GRID1: variants seen among roughly 807,000 people sequenced by gnomAD.
GRID1 encodes glutamate ionotropic receptor delta type subunit 1.
A neutral mutation model predicts 98.0 loss-of-function variants in GRID1; 28 were observed. That is an observed-to-expected ratio of 0.29 (90% CI 0.21 to 0.39). The LOEUF (loss-of-function observed/expected upper bound fraction) is 0.39. Ranked by LOEUF, GRID1 falls within the 10% of genes least tolerant of loss-of-function variation. The pLI, the probability that GRID1 is intolerant of heterozygous loss-of-function variation, is 1.00. For synonymous variants in GRID1, 553 were observed against 538.5 expected, an observed-to-expected ratio of 1.03 and a Z score of -0.37; for missense variants, 1,111 against 1,340.5, an observed-to-expected ratio of 0.83 and a Z score of 2.67.
rs544063158 is a variant in GRID1 at position 85,690,721 on chromosome 10, T to TG, written c.1997+32281_1997+32282insC. On this transcript the variant is annotated intron_variant, in intron 12 of 15. Coordinates refer to ENST00000327946, the MANE Select transcript of GRID1 (RefSeq NM_017551.3). ...CACAGATCTTCTTCCAAATAAATCA[T>TG]TTGTAAATGTTGGCACAGTTGCACA... 3.0e-4 allele frequency among the ~76,000 whole-genome samples: 46 copies of TG among 152,308 alleles called. 1 individual carries two copies. In the South Asian group the frequency reaches 9.3e-3, roughly 31 times the overall value.
chr10:86,141,399 T>C (rs1424700269), intron 3 of GRID1, among the ~76,000 whole-genome samples: 1 of 152,180 alleles, frequency 6.6e-6, no homozygotes, highest in Non-Finnish European at 1.5e-5. Flanking sequence ...TGTGCAGAGA[T>C]GGCTCAGGAG....
At chr10:85,844,673 C>T (rs1842990151) in intron 8 of GRID1, among the ~76,000 whole-genome samples, 1 of 151,804 alleles carries the variant, frequency 6.6e-6, no homozygotes, top group Non-Finnish European at 1.5e-5. Context: ...ATAAAATATT[C>T]TGAAAAGGAA....
rs7068143 is a variant in GRID1 at position 86,023,519 on chromosome 10, C to T, written c.727-107280G>A. On this transcript the variant is annotated intron_variant, in intron 4 of 15. Transcript: ENST00000327946. ...AACCTTCTCTCAGCAACCTGCTCCA[C>T]ACCCACTGCTTCTCCAGGTCCCTGT... Among the ~76,000 whole-genome samples the T allele has an allele frequency of 8.8e-3, 1,343 of 152,286 alleles. 25 individuals are homozygous for T. The highest frequency in any genetic ancestry group is 0.031 in the African/African-American group (1,273 of 41,548).
chr10:86,119,957 A>AT (rs996067642), intron 4 of GRID1, among the ~76,000 whole-genome samples: 31 of 149,828 alleles, frequency 2.1e-4, no homozygotes, highest in Non-Finnish European at 3.7e-4. Flanking sequence ...TGCCCGGCTA[A>AT]TTTTTTTTTT....
At chr10:86,229,019 G>C (rs1846404517) in intron 2 of GRID1, among the ~76,000 whole-genome samples, 1 of 152,164 alleles carries the variant, frequency 6.6e-6, no homozygotes, top group Non-Finnish European at 1.5e-5. Flanking sequence ...TCACAGTAGG[G>C]AGGGGCTGCC....
At chr10:86,310,564 G>A (rs193008491) in intron 2 of GRID1, among the ~76,000 whole-genome samples, 268 of 152,300 alleles carry the variant, frequency 1.8e-3, no homozygotes, top group African/African-American at 5.8e-3. Flanking sequence ...CCTTGCTGAG[G>A]AGCAGGTACC....
chr10:86,286,788 C>G (rs1847437925), intron 2 of GRID1, among the ~76,000 whole-genome samples: 2 of 152,232 alleles, frequency 1.3e-5, no homozygotes, highest in African/African-American at 4.8e-5. Flanking sequence ...GCTCTCCGCT[C>G]TGGGCGCCGG....
chr10:85,765,427 C>A (rs974516253), intron 8 of GRID1, among the ~76,000 whole-genome samples: 8 of 152,220 alleles, frequency 5.3e-5, no homozygotes, highest in Admixed American at 5.2e-4. Context: ...AAGTTGAGCA[C>A]CTCTAATCTG....
chr10:85,788,887 C>T (rs1842453642), intron 8 of GRID1, among the ~76,000 whole-genome samples: 1 of 152,172 alleles, frequency 6.6e-6, no homozygotes, highest in Admixed American at 6.5e-5. Context: ...TAAAACTAAG[C>T]TAGAGAACTC....
Position 85,602,167 on chromosome 10 carries a change from A to C in GRID1, c.*106T>G. ...AAGAAAAATGAAAGAGTCTCTGTGT[A>C]TGTGTGTGTGTGCGAGTGTGTGTGG... On this transcript the variant is annotated 3_prime_UTR_variant, in exon 16 of 16. Transcript: ENST00000327946. The C allele has an allele frequency of 1.6e-6, 1 of 625,402 alleles. No individual in the cohort carries two copies. Among genetic ancestry groups the C allele is most frequent in the Non-Finnish European group, 2.7e-6 (1 of 365,612 alleles). 38.7% of individuals were successfully genotyped at this position (625,402 alleles called of 1,614,324 possible).
At chr10:85,854,907 A>C (rs990319820) in intron 7 of GRID1, among the ~76,000 whole-genome samples, 1 of 152,176 alleles carries the variant, frequency 6.6e-6, no homozygotes, top group Non-Finnish European at 1.5e-5. Flanking sequence ...TAGCCATGAG[A>C]TTAAACATTG....
chr10:85,817,955 G>T (rs1211880516), intron 8 of GRID1, among the ~76,000 whole-genome samples: 2 of 152,196 alleles, frequency 1.3e-5, no homozygotes, highest in African/African-American at 4.8e-5. Flanking sequence ...GGCAGTGGGG[G>T]AAAGGGAGTT....
chr10:85,964,038 G>A lies in GRID1; in HGVS notation c.727-47799C>T, dbSNP rs540840310. Among the ~76,000 whole-genome samples the A allele has an allele frequency of 7.2e-5, 11 of 152,252 alleles. No homozygotes were observed. In the South Asian group the frequency reaches 2.3e-3, roughly 32 times the overall value. The stretch of plus-strand genomic sequence containing the variant: ...CATGAGCGAACTCCCATTCACAATT[G>A]CTACTAAGACAATAAAATACCTAGG... On this transcript the variant is annotated intron_variant, in intron 4 of 15. Transcript: ENST00000327946.
At chr10:86,263,838 C>G (rs140571391) in intron 2 of GRID1, among the ~76,000 whole-genome samples, 1 of 152,220 alleles carries the variant, frequency 6.6e-6, no homozygotes, top group Non-Finnish European at 1.5e-5. Flanking sequence ...GGTTTCCCCA[C>G]CTCAACCCAC....
rs548179024 is a variant in GRID1 at position 86,043,275 on chromosome 10, T to C, written c.726+95544A>G. On this transcript the variant is annotated intron_variant, in intron 4 of 15. Coordinates refer to ENST00000327946, the MANE Select transcript of GRID1 (RefSeq NM_017551.3). ...CCTCTCTACCAGCCCTTGTCCTCCA[T>C]CTTGCCAGACCCCTCAGAAGAAGGC... is the stretch of plus-strand genomic sequence containing the variant. Among the ~76,000 whole-genome samples the C allele has an allele frequency of 2.0e-5, 3 of 152,258 alleles. No individual in the cohort carries two copies. The East Asian group carries it at 5.8e-4, about 29-fold the overall frequency.
intron 2 of GRID1, among the ~76,000 whole-genome samples, chr10:86,263,971 A>T (rs1375300658): frequency 6.6e-6 from 1 of 152,162 alleles, no homozygotes; most frequent in Non-Finnish European, 1.5e-5. Flanking sequence ...AGGGGAAGGG[A>T]CTTGTCCAGG....
intron 2 of GRID1, among the ~76,000 whole-genome samples, chr10:86,240,500 G>A (rs1037864125): frequency 1.3e-5 from 2 of 151,116 alleles, no homozygotes; most frequent in Admixed American, 1.3e-4. Flanking sequence ...AAGGCAGCAG[G>A]TCAGTGAAGC....
intron 4 of GRID1, among the ~76,000 whole-genome samples, chr10:86,128,458 C>A (rs1163188663): frequency 6.6e-6 from 1 of 152,206 alleles, no homozygotes; most frequent in Non-Finnish European, 1.5e-5. Context: ...GGCTCCATGA[C>A]TCGAACTGTG....
At chr10:86,263,716 G>GC (rs1384928465) in intron 2 of GRID1, among the ~76,000 whole-genome samples, 2 of 152,168 alleles carry the variant, frequency 1.3e-5, no homozygotes, top group East Asian at 3.8e-4. Context: ...TTAGAACAGT[G>GC]CCTGGTACAT....
Sources: gnomAD v4.1 joint callset for allele counts (sites outside exome capture counted in the v4.1 genomes callset) on GRCh38, gnomAD v4.1.1 for gene constraint, MANE v1.5 for transcripts, NCBI Gene and HGNC (gene_info 2026-07-23, HGNC 2026-07-21) for gene names.